The following IFT80 variants were observed in gnomAD, a reference collection of about 807,000 sequenced individuals.
IFT80 encodes the protein intraflagellar transport 80.
IFT80 carries 79 observed loss-of-function variants against 107.9 expected under a neutral mutation model. That is an observed-to-expected ratio of 0.73 (90% CI 0.61 to 0.88). The LOEUF is 0.88. IFT80 is among the 40% of genes least tolerant of loss of function. The pLI is 0.00. For synonymous variants in IFT80, 299 were observed against 300.9 expected (o/e 0.99, Z 0.07); for missense variants, 797 against 914.2 (o/e 0.87, Z 1.65).
intron 10 of IFT80, 111 bp from the exon 11 acceptor site, chr3:160,304,100 T>C (rs1576779050): frequency 2.7e-6 from 2 of 739,908 alleles, no homozygotes; most frequent in Non-Finnish European, 4.8e-6. Flanking sequence ...ATAGCAATTA[T>C]ATACATACTT....
At position 160,279,736 on chromosome 3, in the gene IFT80, G is replaced by A. The variant is rs550178867; in HGVS notation, c.1665-372C>T. ...AGCTTTAGCTTTTAAAAGTATTAAA[G>A]GGTAAAACAATAAAAAGTAAACCAA... is the stretch of plus-strand genomic sequence containing the variant. On this transcript the variant is annotated intron_variant, in intron 15 of 19. Coordinates refer to ENST00000326448, the MANE Select transcript of IFT80 (RefSeq NM_020800.3). Among the ~76,000 whole-genome samples, 18 of 152,150 alleles carry A rather than the reference G, an allele frequency of 1.2e-4. No homozygotes were observed. The South Asian group carries it at 3.5e-3, about 30-fold the overall frequency.
chr3:160,355,820 C>T (rs1721036518), intron 8 of IFT80, among the ~76,000 whole-genome samples, 193 bp downstream of exon 8: 1 of 152,168 alleles, frequency 6.6e-6, no homozygotes, highest in African/African-American at 2.4e-5. Flanking sequence ...AGATCGTGCC[C>T]ATGCTTCAAA....
chr3:160,335,060 T>C (rs1045009274), intron 8 of IFT80, among the ~76,000 whole-genome samples: 3 of 152,026 alleles, frequency 2.0e-5, no homozygotes, highest in Admixed American at 1.3e-4. Flanking sequence ...CTCAAATACT[T>C]TCCATTCAAA....
At chr3:160,349,235 G>A (rs1480832592) in intron 8 of IFT80, among the ~76,000 whole-genome samples, 2 of 151,952 alleles carry the variant, frequency 1.3e-5, no homozygotes, top group African/African-American at 4.8e-5. Context: ...ATCACCTGAG[G>A]TCAGGAGTTC....
chr3:160,305,565 T>C (rs1716776371), intron 10 of IFT80, among the ~76,000 whole-genome samples: 1 of 152,108 alleles, frequency 6.6e-6, no homozygotes, highest in African/African-American at 2.4e-5. Flanking sequence ...CCTTAGAAAG[T>C]ATCTGAGATT....
chr3:160,299,064 G>A, intron 12 of IFT80: 2 of 956,158 alleles, frequency 2.1e-6, no homozygotes, highest in South Asian at 9.4e-5. Context: ...GGAAAGCATA[G>A]ACAACTCATA....
intron 9 of IFT80, among the ~76,000 whole-genome samples, chr3:160,316,558 G>C (rs1017939879): frequency 6.6e-6 from 1 of 152,130 alleles, no homozygotes; most frequent in Non-Finnish European, 1.5e-5. Context: ...CTCAAGGATA[G>C]ACTATAGCAT....
chr3:160,306,123 T>C (rs999854440), intron 10 of IFT80, among the ~76,000 whole-genome samples: 6 of 152,120 alleles, frequency 3.9e-5, no homozygotes, highest in African/African-American at 1.4e-4. Flanking sequence ...CTTAATAATC[T>C]TGACATCAAA....
chr3:160,384,933 G>A (rs1317760505), intron 1 of IFT80, among the ~76,000 whole-genome samples: 1 of 152,194 alleles, frequency 6.6e-6, no homozygotes, highest in African/African-American at 2.4e-5. Context: ...CATGTCCTGA[G>A]GCCAAATAAA....
intron 6 of IFT80, 66 bp downstream of exon 6, chr3:160,365,976 AG>A: frequency 8.4e-7 from 1 of 1,184,462 alleles, no homozygotes; most frequent in Non-Finnish European, 1.3e-6. Context: ...GAGACTCCTA[AG>A]CAAGTGCCCT....
In IFT80 at chr3:160,259,453, TA is replaced by T. The variant is rs1179397899; in HGVS notation, c.2224-819del. Reference sequence around the variant, plus strand: ...GTTATGAGGAAAGACAGGGATTCATTAGCTTCCCCTAAGCATATTCTGTGAA... The same window carrying T: ...GTTATGAGGAAAGACAGGGATTCATTGCTTCCCCTAAGCATATTCTGTGAA... On this transcript the variant is annotated intron_variant, in intron 19 of 19. Coordinates refer to ENST00000326448, the MANE Select transcript of IFT80 (RefSeq NM_020800.3). 2.0e-5 allele frequency among the ~76,000 whole-genome samples: 3 copies of T among 152,182 alleles called. No individual in the cohort carries two copies. In the East Asian group the frequency reaches 5.8e-4, roughly 29 times the overall value.
At chr3:160,313,737 G>A (rs530934983) in intron 9 of IFT80, among the ~76,000 whole-genome samples, 31 of 151,774 alleles carry the variant, frequency 2.0e-4, no homozygotes, top group African/African-American at 7.5e-4. Flanking sequence ...AGCCTTCTGA[G>A]TAACTGGGAC....
Position 160,276,967 on chromosome 3 carries a change from T to C in IFT80, c.2099+339A>G, listed in dbSNP as rs528869858. Among the ~76,000 whole-genome samples, 11 of 152,328 alleles carry C rather than the reference T, an allele frequency of 7.2e-5. No individual in the cohort carries two copies. In the South Asian group the frequency reaches 1.5e-3, roughly 20 times the overall value. ...TCCAGGTCCATTTAATCAACGATTA[T>C]AACTTTTTGCGAGTATTTCAAATTC... On this transcript the variant is annotated intron_variant, in intron 18 of 19. Transcript: ENST00000326448.
In IFT80 at chr3:160,280,652, G is replaced by T; in HGVS notation, c.1664+15C>A. 6.2e-7 allele frequency: 1 copy of T among 1,602,110 alleles called. No homozygotes were observed. The highest frequency in any genetic ancestry group is 8.5e-7 in the Non-Finnish European group (1 of 1,169,912). ...TATTTACTACAAAACAGAATTATAC[G>T]CAGTAAAATGTTACCTTGCATCCCT... On this transcript the variant is annotated intron_variant, in intron 15 of 19. Transcript: ENST00000326448.
chr3:160,275,084 G>C (rs1224171497), intron 18 of IFT80, among the ~76,000 whole-genome samples: 4 of 152,152 alleles, frequency 2.6e-5, no homozygotes, highest in African/African-American at 9.7e-5. Flanking sequence ...AATGGGGCTG[G>C]TAATATCTAA....
At chr3:160,355,909 A>C in intron 8 of IFT80, 104 bp downstream of exon 8, 30 of 1,200,908 alleles carry the variant, frequency 2.5e-5, no homozygotes, top group Non-Finnish European at 3.6e-5. Flanking sequence ...AGATTCAACC[A>C]GATGCATCCA....
chr3:160,397,481 C>T (rs554899945), intron 1 of IFT80, among the ~76,000 whole-genome samples: 1 of 152,230 alleles, frequency 6.6e-6, no homozygotes, highest in African/African-American at 2.4e-5. Context: ...ATGTCATAAA[C>T]ACAGCAAAAT....
chr3:160,320,716 C>A (rs893867725), intron 8 of IFT80, among the ~76,000 whole-genome samples: 1 of 151,776 alleles, frequency 6.6e-6, no homozygotes, highest in African/African-American at 2.4e-5. Flanking sequence ...AGCGTATAAT[C>A]ACAGTCTTGA....
At chr3:160,276,885 A>C (rs913350182) in intron 18 of IFT80, among the ~76,000 whole-genome samples, 1 of 152,136 alleles carries the variant, frequency 6.6e-6, no homozygotes, top group African/African-American at 2.4e-5. Flanking sequence ...TTCAACTACT[A>C]TCCATTTGCT....
Sources: gnomAD v4.1 joint callset for allele counts (sites outside exome capture counted in the v4.1 genomes callset) on GRCh38, gnomAD v4.1.1 for gene constraint, MANE v1.5 for transcripts, NCBI Gene and HGNC (gene_info 2026-07-23, HGNC 2026-07-21) for gene names.